Variants in ROBO2 observed in about 807,000 individuals in gnomAD.
ROBO2 encodes the protein roundabout homolog 2.
In ROBO2, 53 loss-of-function variants were observed where a neutral mutation model predicts 160.8. The ratio of observed to expected loss-of-function variants is 0.33; its 90% CI spans 0.26 to 0.41. ROBO2 has a LOEUF of 0.41. Ranked by LOEUF, ROBO2 falls within the 10% of genes least tolerant of loss-of-function variation. The pLI, the probability that ROBO2 is intolerant of heterozygous loss-of-function variation, is 1.00. For missense variants in ROBO2, 1,577 were observed against 1,722.4 expected, an observed-to-expected ratio of 0.92 and a Z score of 1.49; for synonymous variants, 664 against 611.7, an observed-to-expected ratio of 1.09 and a Z score of -1.26.
At chr3:76,994,051 G>A (rs1318602908) in intron 2 of ROBO2, among the ~76,000 whole-genome samples, 4 of 150,864 alleles carry the variant, frequency 2.7e-5, no homozygotes, top group Middle Eastern at 3.4e-3. Flanking sequence ...TTCTCACTCC[G>A]TAATTTGGTG....
At chr3:76,845,482 GAC>G (rs1212607250) in intron 2 of ROBO2, among the ~76,000 whole-genome samples, 1 of 151,826 alleles carries the variant, frequency 6.6e-6, no homozygotes, top group African/African-American at 2.4e-5. Context: ...TTTCCAATGT[GAC>G]AGAGATATAG....
At chr3:76,994,489 A>G (rs1016908178) in intron 2 of ROBO2, among the ~76,000 whole-genome samples, 2 of 152,214 alleles carry the variant, frequency 1.3e-5, no homozygotes, top group African/African-American at 4.8e-5. Flanking sequence ...AGCAAACAGA[A>G]TAACAACAGT....
At chr3:76,860,824 A>T (rs1200617346) in intron 2 of ROBO2, among the ~76,000 whole-genome samples, 6 of 152,174 alleles carry the variant, frequency 3.9e-5, no homozygotes. Context: ...TTCTTCACAG[A>T]TAAACAAGAC....
chr3:77,597,521 G>T (rs1322145886), intron 19 of ROBO2, among the ~76,000 whole-genome samples: 1 of 152,010 alleles, frequency 6.6e-6, no homozygotes, highest in Non-Finnish European at 1.5e-5. Flanking sequence ...GGAACTCTCT[G>T]ATCTCAGTGT....
chr3:77,195,219 C>T (rs1291083590), intron 2 of ROBO2, among the ~76,000 whole-genome samples: 1 of 152,078 alleles, frequency 6.6e-6, no homozygotes, highest in Non-Finnish European at 1.5e-5. Flanking sequence ...TTTGTCATTG[C>T]ATCTTTTTAT....
At chr3:76,266,506 C>G (rs113868156) in intron 2 of ROBO2, among the ~76,000 whole-genome samples, 1 of 152,052 alleles carries the variant, frequency 6.6e-6, no homozygotes, top group South Asian at 2.1e-4. Context: ...TTGTAACTTA[C>G]GTGTTCTCTC....
intron 2 of ROBO2, among the ~76,000 whole-genome samples, chr3:76,414,715 A>G (rs1282911575): frequency 6.6e-6 from 1 of 151,010 alleles, no homozygotes; most frequent in African/African-American, 2.4e-5. Flanking sequence ...ATGTATACAT[A>G]TGTAACTAAC....
chr3:76,380,721 T>C (rs1210568481), intron 2 of ROBO2, among the ~76,000 whole-genome samples: 3 of 152,112 alleles, frequency 2.0e-5, no homozygotes, highest in Admixed American at 2.0e-4. Flanking sequence ...TCAAACGTTA[T>C]ATGTGGATTT....
At chr3:76,325,137 C>T (rs191384845) in intron 2 of ROBO2, among the ~76,000 whole-genome samples, 2 of 152,306 alleles carry the variant, frequency 1.3e-5, no homozygotes, top group African/African-American at 4.8e-5. Flanking sequence ...ACAGATCAGA[C>T]TCAAATAAAA....
chr3:76,181,546 A>T (rs1289402309), intron 2 of ROBO2, among the ~76,000 whole-genome samples: 1 of 152,162 alleles, frequency 6.6e-6, no homozygotes, highest in East Asian at 1.9e-4. Context: ...ATTTCTGAAG[A>T]TATAATATTT....
Position 77,169,916 on chromosome 3 carries a change from T to A in ROBO2, c.388+71576T>A, listed in dbSNP as rs76516700. 2.2e-3 allele frequency among the ~76,000 whole-genome samples: 337 copies of A among 152,224 alleles called. 2 individuals are homozygous for A. Among genetic ancestry groups the A allele is most frequent in the African/African-American group, 7.7e-3 (319 of 41,534 alleles). On this transcript the variant is annotated intron_variant, in intron 2 of 25. Coordinates refer to ENST00000461745, the Ensembl canonical transcript of ROBO2. The stretch of plus-strand genomic sequence containing the variant: ...GTCCTGGGGTCTCTGGGGGGTGGGA[T>A]GGCATCTGACAGTGATGGGCTTTTC...
chr3:76,104,092 T>C (rs2069818246), intron 2 of ROBO2, among the ~76,000 whole-genome samples: 1 of 152,236 alleles, frequency 6.6e-6, no homozygotes, highest in African/African-American at 2.4e-5. Context: ...CTGGTCTCTT[T>C]AGCTTATAGG....
At chr3:76,497,584 CT>C (rs1306484202) in intron 2 of ROBO2, among the ~76,000 whole-genome samples, 1 of 152,158 alleles carries the variant, frequency 6.6e-6, no homozygotes, top group East Asian at 1.9e-4. Context: ...ATGCATCACC[CT>C]GGCTAGGCTG....
At chr3:75,995,404 T>G (rs2065696789) in intron 2 of ROBO2, among the ~76,000 whole-genome samples, 1 of 152,038 alleles carries the variant, frequency 6.6e-6, no homozygotes, top group Admixed American at 6.5e-5. Flanking sequence ...CCTTTGCAAC[T>G]TAAGGGTGAT....
rs563769501 is a variant in ROBO2 at position 76,693,264 on chromosome 3, GTCTC to G, written c.110-404742_110-404739del. ...TACATATATGTGTATATACATACAT[GTCTC>G]TCTCTCTATATATAGTGTGTATCTA... is the stretch of plus-strand genomic sequence containing the variant. On this transcript the variant is annotated intron_variant, in intron 2 of 26. Coordinates refer to the ROBO2 transcript ENST00000487694. 3.5e-4 allele frequency among the ~76,000 whole-genome samples: 37 copies of G among 105,128 alleles called. No individual in the cohort carries two copies. In the East Asian group the frequency reaches 3.7e-3, roughly 11 times the overall value. The allele number at this position is 105,128 out of a possible 152,430, so 69.0% of individuals were successfully genotyped here.
In ROBO2 at chr3:76,693,201, A is replaced by G. The variant is rs751883365; in HGVS notation, c.110-404813A>G. Among the ~76,000 whole-genome samples, 32 of 149,640 alleles carry G rather than the reference A, an allele frequency of 2.1e-4. 1 individual carries two copies. Among genetic ancestry groups the G allele is most frequent in the Non-Finnish European group, 4.4e-4 (30 of 67,512 alleles). The stretch of plus-strand genomic sequence containing the variant: ...GTATCTATATATAGTGTATATATAT[A>G]GTGTACATACACATATCCCTATATA... On this transcript the variant is annotated intron_variant, in intron 2 of 26. Transcript: ENST00000487694.
chr3:76,002,720 A>T (rs1278928034), intron 2 of ROBO2, among the ~76,000 whole-genome samples: 7 of 152,130 alleles, frequency 4.6e-5, no homozygotes, highest in Non-Finnish European at 1.0e-4. Flanking sequence ...AGGAGAACAG[A>T]CTAAAACACC....
intron 2 of ROBO2, among the ~76,000 whole-genome samples, chr3:76,059,529 T>C (rs1026318635): frequency 2.6e-5 from 4 of 152,050 alleles, no homozygotes; most frequent in African/African-American, 7.2e-5. Context: ...TTTTGGAGTT[T>C]ATTGTAGATT....
At chr3:77,048,214 A>G (rs2064882470) in intron 1 of ROBO2, among the ~76,000 whole-genome samples, 1 of 152,246 alleles carries the variant, frequency 6.6e-6, no homozygotes, top group Non-Finnish European at 1.5e-5. Context: ...ATTATGGACT[A>G]CAATTGGGGT....
Sources: allele counts gnomAD v4.1 joint callset (sites outside exome capture counted in the v4.1 genomes callset), GRCh38; gene constraint gnomAD v4.1.1; transcripts MANE v1.5; gene names NCBI Gene and HGNC (gene_info 2026-07-23, HGNC 2026-07-21).